The following ZNF503 variants were observed in gnomAD, a reference collection of about 807,000 sequenced individuals.
The protein encoded by ZNF503 is NocA-like zinc finger 2.
ZNF503 carries 15 observed loss-of-function variants against 34.4 expected under a neutral mutation model. The observed-to-expected ratio is 0.44, with a 90% confidence interval of 0.29 to 0.67. ZNF503 has a LOEUF of 0.67. ZNF503 is among the 30% of genes least tolerant of loss of function. ZNF503 has a pLI of 0.13. For missense variants in ZNF503, 1,007 were observed against 926.8 expected, an observed-to-expected ratio of 1.09 and a Z score of -1.12; for synonymous variants, 580 against 456.8, an observed-to-expected ratio of 1.27 and a Z score of -3.44.
the ZNF503 span, among the ~76,000 whole-genome samples, chr10:75,312,453 C>A: frequency 6.6e-6 from 1 of 151,854 alleles, no homozygotes; most frequent in Admixed American, 6.6e-5. Flanking sequence ...ACTAAAAAAT[C>A]AAAAATGAGC....
Position 75,401,512 on chromosome 10 carries a change from A to G in ZNF503, c.-93T>C. 1.4e-6 allele frequency: 2 copies of G among 1,433,562 alleles called. No individual in the cohort carries two copies. 88.8% of individuals were successfully genotyped at this position (1,433,562 alleles called of 1,614,324 possible). Reference sequence around the variant, plus strand: ...GCGCGCTCGCCCCGGGAGCAGGAGCAGCGGGAGGAGGAGGAGCTGGCGCGG... The same window carrying G: ...GCGCGCTCGCCCCGGGAGCAGGAGCGGCGGGAGGAGGAGGAGCTGGCGCGG... On this transcript the variant is annotated 5_prime_UTR_variant, in exon 1 of 2. Transcript: ENST00000372524.
chr10:75,285,943 A>G, the ZNF503 span, among the ~76,000 whole-genome samples: 1 of 152,036 alleles, frequency 6.6e-6, no homozygotes, highest in African/African-American at 2.4e-5. Context: ...TCTCATTTGT[A>G]TCGGGTGGGC....
At chr10:75,356,634 C>A in the ZNF503 span, among the ~76,000 whole-genome samples, 1 of 152,216 alleles carries the variant, frequency 6.6e-6, no homozygotes, top group Non-Finnish European at 1.5e-5. Context: ...TCAGTCAGCA[C>A]AAGTGTCAGA....
the ZNF503 span, among the ~76,000 whole-genome samples, chr10:75,312,028 C>T: frequency 6.6e-6 from 1 of 152,062 alleles, no homozygotes; most frequent in African/African-American, 2.4e-5. Context: ...TACACCACGC[C>T]CAGCCTGTTT....
At chr10:75,363,660 G>T in the ZNF503 span, among the ~76,000 whole-genome samples, 7 of 152,202 alleles carry the variant, frequency 4.6e-5, no homozygotes, top group Non-Finnish European at 1.0e-4. Flanking sequence ...GAAGTAAATG[G>T]CTGTGCAGTG....
the ZNF503 span, among the ~76,000 whole-genome samples, chr10:75,318,257 G>A: frequency 6.6e-6 from 1 of 152,040 alleles, no homozygotes; most frequent in Non-Finnish European, 1.5e-5. Context: ...AGCCACAGTG[G>A]CCAAAAAGGA....
chr10:75,331,126 A>G, the ZNF503 span, among the ~76,000 whole-genome samples: 1 of 151,970 alleles, frequency 6.6e-6, no homozygotes, highest in Non-Finnish European at 1.5e-5. Flanking sequence ...TCCTCTTGTT[A>G]TTGATTTTTA....
the ZNF503 span, among the ~76,000 whole-genome samples, chr10:75,347,391 C>CAA: frequency 0.79 from 120,460 of 152,182 alleles, 48,787 homozygotes; most frequent in African/African-American, 0.95. Flanking sequence ...GCAGGGCTGA[C>CAA]GAGAGGAGAA....
the ZNF503 span, among the ~76,000 whole-genome samples, chr10:75,383,945 T>C: frequency 0.039 from 5,982 of 152,308 alleles, 372 homozygotes; most frequent in African/African-American, 0.14. Context: ...CAGACACTTG[T>C]CCTTGTGCTG....
chr10:75,307,719 T>C, the ZNF503 span, among the ~76,000 whole-genome samples: 1 of 152,246 alleles, frequency 6.6e-6, no homozygotes, highest in Non-Finnish European at 1.5e-5. Flanking sequence ...TAGGGACTAA[T>C]GCAGCTGGTG....
chr10:75,400,443 C>A, intron 1 of ZNF503, 69 bp from the exon 2 acceptor site: 1 of 1,493,886 alleles, frequency 6.7e-7, no homozygotes. Context: ...AGAATCCTGG[C>A]TTCTGGGGTT....
the ZNF503 span, among the ~76,000 whole-genome samples, chr10:75,331,780 A>G: frequency 6.6e-6 from 1 of 152,218 alleles, no homozygotes; most frequent in Non-Finnish European, 1.5e-5. Flanking sequence ...TATAGGCACA[A>G]GCCTTGATGC....
the ZNF503 span, among the ~76,000 whole-genome samples, chr10:75,375,799 G>A: frequency 6.6e-6 from 1 of 152,190 alleles, no homozygotes; most frequent in African/African-American, 2.4e-5. Flanking sequence ...TTACATACAT[G>A]AGCCACTGAG....
chr10:75,308,193 A>ATTTT, the ZNF503 span, among the ~76,000 whole-genome samples: 1 of 57,656 alleles, frequency 1.7e-5, no homozygotes, highest in African/African-American at 9.2e-5. Flanking sequence ...GTGACAATAC[A>ATTTT]TCTTTTTTTT....
At chr10:75,337,615 C>A in the ZNF503 span, among the ~76,000 whole-genome samples, 1 of 129,670 alleles carries the variant, frequency 7.7e-6, no homozygotes, top group African/African-American at 2.9e-5. Context: ...TAGACTCCGT[C>A]TCCAAAAGAA....
the ZNF503 span, among the ~76,000 whole-genome samples, chr10:75,355,282 A>T: frequency 6.6e-6 from 1 of 152,202 alleles, no homozygotes; most frequent in African/African-American, 2.4e-5. Flanking sequence ...GCGACAACCT[A>T]CAGCACCTTT....
the ZNF503 span, among the ~76,000 whole-genome samples, chr10:75,308,503 A>G: frequency 2.6e-5 from 4 of 152,352 alleles, no homozygotes; most frequent in Admixed American, 2.6e-4. Context: ...TTGAGATGCT[A>G]TAGCTGCCAG....
the ZNF503 span, among the ~76,000 whole-genome samples, chr10:75,316,693 T>C: frequency 1.3e-5 from 2 of 152,104 alleles, no homozygotes; most frequent in African/African-American, 2.4e-5. Flanking sequence ...TTTAAGAAGA[T>C]AGGAATCATA....
the ZNF503 span, among the ~76,000 whole-genome samples, chr10:75,387,494 G>A: frequency 1.3e-5 from 2 of 152,214 alleles, no homozygotes; most frequent in East Asian, 3.9e-4. Flanking sequence ...ACTACATACA[G>A]TATTTGGCAC....
Sources: gnomAD v4.1 joint callset for allele counts (sites outside exome capture counted in the v4.1 genomes callset) on GRCh38, gnomAD v4.1.1 for gene constraint, MANE v1.5 for transcripts, NCBI Gene and HGNC (gene_info 2026-07-23, HGNC 2026-07-21) for gene names.